MTCL1: variants seen among roughly 807,000 people sequenced by gnomAD.
The protein encoded by MTCL1 is microtubule cross-linking factor 1.
In MTCL1, 79 loss-of-function variants were observed where a neutral mutation model predicts 141.4. The ratio of observed to expected loss-of-function variants is 0.56; its 90% CI spans 0.47 to 0.67. MTCL1 has a LOEUF of 0.67. Among genes scored for constraint, MTCL1 ranks in the 30% least tolerant of loss-of-function variants. The probability of loss-of-function intolerance (pLI) is 0.00; values close to 1 mark genes in which losing one functional copy is unlikely to be tolerated. For synonymous variants in MTCL1, 914 were observed against 875.8 expected, an observed-to-expected ratio of 1.04 and a Z score of -0.77; for missense variants, 2,177 against 2,113.9, an observed-to-expected ratio of 1.03 and a Z score of -0.59.
intron 12 of MTCL1, among the ~76,000 whole-genome samples, chr18:8,814,263 T>C (rs1568088377): frequency 6.6e-6 from 1 of 152,082 alleles, no homozygotes; most frequent in Non-Finnish European, 1.5e-5. Flanking sequence ...TGGAAACCAC[T>C]AAGAAGAATA....
At chr18:8,771,913 C>T (rs777127333) in intron 4 of MTCL1, among the ~76,000 whole-genome samples, 8 of 152,238 alleles carry the variant, frequency 5.3e-5, no homozygotes, top group Non-Finnish European at 1.0e-4. Context: ...TACCTGTTCC[C>T]TTCATTGTTC....
rs1330273149 is a variant in MTCL1, at chr18:8,796,115, C to G, written c.2011-117C>G. 19 of 978,070 alleles carry G rather than the reference C, an allele frequency of 1.9e-5. No homozygotes were observed. The South Asian group carries it at 2.0e-4, about 10-fold the overall frequency. The allele number at this position is 978,070 out of a possible 1,614,324, so 60.6% of individuals were successfully genotyped here. Reference sequence around the variant, plus strand: ...TGAACTTCTGGGGACTCCTGTGTTTCACGTCTCATATGCAGCATGACAGAG... The same window carrying G: ...TGAACTTCTGGGGACTCCTGTGTTTGACGTCTCATATGCAGCATGACAGAG... On this transcript the variant is annotated intron_variant, in intron 8 of 16. Coordinates refer to ENST00000359865, the Ensembl canonical transcript of MTCL1.
At position 8,718,526 on chromosome 18, in the gene MTCL1, G is replaced by A. The variant is rs374198736; in HGVS notation, c.76G>A (p.Ala26Thr). The A allele has an allele frequency of 3.5e-5, 56 of 1,614,178 alleles. No individual in the cohort carries two copies. The highest frequency in any genetic ancestry group is 8.9e-5 in the East Asian group (4 of 44,884). The change falls in exon 3 of 17, where the codon GCT becomes ACT. Residue 26 changes from alanine to threonine, a missense_variant. Ala to Thr is a moderately conservative substitution (Grantham distance 58, BLOSUM62 0). Coordinates refer to ENST00000359865, the Ensembl canonical transcript of MTCL1. The stretch of plus-strand genomic sequence containing the variant: ...GGAACTTCGGCGAGAACTGGACCGC[G>A]CTAATAAAAACTGCCGAATCCTGCA...
chr18:8,712,369 TTTGA>T (rs2096098438), upstream of MTCL1, among the ~76,000 whole-genome samples: 1 of 152,146 alleles, frequency 6.6e-6, no homozygotes, highest in Non-Finnish European at 1.5e-5. Flanking sequence ...GAGTTAGCCT[TTTGA>T]GTTTCAGGCC....
At chr18:8,784,058 G>A in exon 6 of MTCL1, 1 of 1,613,464 alleles carries the variant, frequency 6.2e-7, no homozygotes, top group Non-Finnish European at 8.5e-7. Context: ...GCCTCCCCGG[G>A]AGCCGGGCTG....
In MTCL1 at chr18:8,785,920, C is replaced by CAACAAATT; in HGVS notation, c.1732-16_1732-15insAACAAATT. The CAACAAATT allele has an allele frequency of 6.4e-7, 1 of 1,566,862 alleles. No individual in the cohort carries two copies. Among genetic ancestry groups the CAACAAATT allele is most frequent in the Non-Finnish European group, 8.6e-7 (1 of 1,160,098 alleles). On this transcript the variant is annotated splice_polypyrimidine_tract_variant and intron_variant, in intron 6 of 16. Coordinates refer to ENST00000359865, the Ensembl canonical transcript of MTCL1. ...TAAAGAACAACAACAACAAATTCCT[C>CAACAAATT]CCGTGCACCTAACAGTCCAGACTGA...
At chr18:8,815,730 C>T (rs1413477468) in intron 12 of MTCL1, among the ~76,000 whole-genome samples, 1 of 151,382 alleles carries the variant, frequency 6.6e-6, no homozygotes, top group African/African-American at 2.4e-5. Context: ...TAATAGTGGT[C>T]AGGAGCTGAC....
At chr18:8,795,469 A>G (rs2075884734) in intron 8 of MTCL1, among the ~76,000 whole-genome samples, 1 of 152,214 alleles carries the variant, frequency 6.6e-6, no homozygotes. Flanking sequence ...TATTTTATTC[A>G]CGCTTACTTT....
exon 15 of MTCL1, chr18:8,825,483 A>C (rs757884376): frequency 1.2e-6 from 2 of 1,609,744 alleles, no homozygotes; most frequent in African/African-American, 2.7e-5. Flanking sequence ...TGTTCAGACC[A>C]TCAGTGTGGG....
At chr18:8,752,036 A>C (rs886331063) in intron 4 of MTCL1, among the ~76,000 whole-genome samples, 1 of 152,194 alleles carries the variant, frequency 6.6e-6, no homozygotes, top group African/African-American at 2.4e-5. Context: ...ATTTGAAAAG[A>C]GGTTGTTGAT....
intron 4 of MTCL1, among the ~76,000 whole-genome samples, chr18:8,773,268 G>T (rs903197213): frequency 1.3e-5 from 2 of 152,104 alleles, no homozygotes; most frequent in Non-Finnish European, 2.9e-5. Flanking sequence ...CATGCTGCGG[G>T]TTTCTCATGC....
At chr18:8,784,403 G>T in exon 6 of MTCL1, 1 of 1,527,356 alleles carries the variant, frequency 6.5e-7, no homozygotes, top group East Asian at 2.3e-5. Flanking sequence ...CTTCGGGAGC[G>T]GGAAGCCATC....
chr18:8,773,289 G>T (rs2096492308), intron 4 of MTCL1, among the ~76,000 whole-genome samples: 1 of 152,070 alleles, frequency 6.6e-6, no homozygotes, highest in African/African-American at 2.4e-5. Flanking sequence ...CCCTTCATGT[G>T]CACAGAAGTG....
At chr18:8,768,204 T>G (rs1158712579) in intron 4 of MTCL1, among the ~76,000 whole-genome samples, 1 of 152,256 alleles carries the variant, frequency 6.6e-6, no homozygotes, top group Non-Finnish European at 1.5e-5. Context: ...TTATCACATG[T>G]CTGTCTACCC....
At chr18:8,780,636 T>C (rs1187814161) in intron 5 of MTCL1, among the ~76,000 whole-genome samples, 1 of 152,228 alleles carries the variant, frequency 6.6e-6, no homozygotes, top group Non-Finnish European at 1.5e-5. Flanking sequence ...GTCCCAAGCT[T>C]TTAAGTGTTT....
chr18:8,792,928 C>G, intron 7 of MTCL1, 70 bp from the exon 7 acceptor site: 1 of 1,585,602 alleles, frequency 6.3e-7, no homozygotes, highest in African/African-American at 1.3e-5. Context: ...GTGCAGATGT[C>G]TGTCCTGCGT....
chr18:8,798,248 G>T, exon 10 of MTCL1: 1 of 1,578,470 alleles, frequency 6.3e-7, no homozygotes, highest in Non-Finnish European at 8.6e-7. Flanking sequence ...GGAGATCACA[G>T]CTTGCGGCTG....
intron 16 of MTCL1, 111 bp from the exon 15 acceptor site, chr18:8,831,496 G>A (rs2077189959): frequency 6.8e-7 from 1 of 1,469,144 alleles, no homozygotes; most frequent in Non-Finnish European, 9.0e-7. Context: ...CGAGTTGCCT[G>A]TGGTGTATAC....
chr18:8,750,271 C>T (rs1229164451), intron 4 of MTCL1, among the ~76,000 whole-genome samples: 2 of 152,218 alleles, frequency 1.3e-5, no homozygotes, highest in Non-Finnish European at 2.9e-5. Context: ...GTCTCGAACT[C>T]CTGACCTCAA....
Sources: allele counts gnomAD v4.1 joint callset (sites outside exome capture counted in the v4.1 genomes callset), GRCh38; gene constraint gnomAD v4.1.1; transcripts MANE v1.5; gene names NCBI Gene and HGNC (gene_info 2026-07-23, HGNC 2026-07-21).